KIAA1328: variants seen among roughly 807,000 people sequenced by gnomAD.
The protein encoded by KIAA1328 is protein hinderin.
In KIAA1328, 52 loss-of-function variants were observed where a neutral mutation model predicts 68.1. The ratio of observed to expected loss-of-function variants is 0.76; its 90% CI spans 0.61 to 0.96. The LOEUF (loss-of-function observed/expected upper bound fraction) is 0.96, where lower values mean the gene tolerates loss of function less well. Ranked by LOEUF, KIAA1328 falls within the 40% of genes least tolerant of loss-of-function variation. KIAA1328 has a pLI of 0.00. For missense variants in KIAA1328, 641 were observed against 677.6 expected (o/e 0.95, Z 0.60); for synonymous variants, 232 against 239.4 (o/e 0.97, Z 0.28).
chr18:36,930,282 C>T (rs1291239689), intron 5 of KIAA1328, among the ~76,000 whole-genome samples: 1 of 152,052 alleles, frequency 6.6e-6, no homozygotes, highest in Non-Finnish European at 1.5e-5. Context: ...TCTGTCCTGT[C>T]TCTCTCTCCT....
chr18:37,034,775 G>A (rs1026183573), intron 6 of KIAA1328, among the ~76,000 whole-genome samples: 1 of 152,082 alleles, frequency 6.6e-6, no homozygotes, highest in African/African-American at 2.4e-5. Context: ...AATACATTTG[G>A]TCTTGAAATA....
At chr18:37,088,815 T>G (rs902297126) in intron 7 of KIAA1328, among the ~76,000 whole-genome samples, 1 of 152,098 alleles carries the variant, frequency 6.6e-6, no homozygotes, top group Non-Finnish European at 1.5e-5. Flanking sequence ...TTAATGGAAC[T>G]TTAAAAAATT....
At position 37,006,714 on chromosome 18, in the gene KIAA1328, A is replaced by G. The variant is rs151193163; in HGVS notation, c.576+47279A>G. 2.8e-3 allele frequency among the ~76,000 whole-genome samples: 431 copies of G among 152,002 alleles called. 3 individuals are homozygous for G. Among genetic ancestry groups the G allele is most frequent in the African/African-American group, 9.8e-3 (406 of 41,462 alleles). ...CCCCGGTGTGTGATGTTCCCCTTCT[A>G]TCATTTTTAAAGCTTTAAAAATTTA... On this transcript the variant is annotated intron_variant, in intron 6 of 9. Transcript: ENST00000280020.
At chr18:36,857,528 C>T (rs887938957) in intron 4 of KIAA1328, among the ~76,000 whole-genome samples, 2 of 152,192 alleles carry the variant, frequency 1.3e-5, no homozygotes, top group Non-Finnish European at 1.5e-5. Flanking sequence ...ATCATCCTGG[C>T]GGCCGCCATT....
intron 5 of KIAA1328, among the ~76,000 whole-genome samples, chr18:36,958,429 T>G (rs2151266076): frequency 6.6e-6 from 1 of 152,308 alleles, no homozygotes. Flanking sequence ...CTAACTTATT[T>G]TCCAAAGTGG....
chr18:36,980,505 C>T (rs964321050), intron 6 of KIAA1328, among the ~76,000 whole-genome samples: 6 of 152,294 alleles, frequency 3.9e-5, no homozygotes, highest in African/African-American at 1.4e-4. Context: ...AGTGGCATGT[C>T]GTATGGCTGC....
At chr18:37,130,326 G>A (rs1160606685) in intron 7 of KIAA1328, among the ~76,000 whole-genome samples, 1 of 152,110 alleles carries the variant, frequency 6.6e-6, no homozygotes, top group African/African-American at 2.4e-5. Flanking sequence ...CAAAAGAAAT[G>A]TTAGCCTAGT....
chr18:37,103,106 C>T (rs1184598361), intron 7 of KIAA1328, among the ~76,000 whole-genome samples: 1 of 152,140 alleles, frequency 6.6e-6, no homozygotes, highest in Non-Finnish European at 1.5e-5. Context: ...CTCCACTATT[C>T]AGAGCAATGC....
chr18:36,932,364 C>T (rs2050341886), intron 5 of KIAA1328, among the ~76,000 whole-genome samples: 1 of 152,108 alleles, frequency 6.6e-6, no homozygotes, highest in South Asian at 2.1e-4. Flanking sequence ...GGACCAGAAG[C>T]CCATGCCACT....
At chr18:36,832,838 T>G (rs2046540156) in intron 1 of KIAA1328, 2 of 111,506 alleles carry the variant, frequency 1.8e-5, no homozygotes. Context: ...TGTTCAATGA[T>G]TTTTTTTTTT....
chr18:37,140,730 A>T (rs1378062517), intron 7 of KIAA1328, among the ~76,000 whole-genome samples: 2 of 152,156 alleles, frequency 1.3e-5, no homozygotes, highest in East Asian at 3.8e-4. Context: ...TTATTTTTTC[A>T]TCACTTTTAA....
chr18:37,117,870 T>C (rs11081988), intron 7 of KIAA1328, among the ~76,000 whole-genome samples: 1 of 146,308 alleles, frequency 6.8e-6, no homozygotes, highest in Non-Finnish European at 1.5e-5. Context: ...ACGGACGTAG[T>C]TGGTTTAAAA....
intron 7 of KIAA1328, among the ~76,000 whole-genome samples, chr18:37,071,298 C>T (rs1254484252): frequency 6.6e-6 from 1 of 151,742 alleles, no homozygotes; most frequent in African/African-American, 2.4e-5. Context: ...GTCTTGAGCT[C>T]CTGGGCTCAA....
At chr18:36,959,507 T>C in intron 6 of KIAA1328, 72 bp downstream of exon 6, 3 of 1,469,526 alleles carry the variant, frequency 2.0e-6, no homozygotes, top group Non-Finnish European at 1.8e-6. Context: ...ATTTGTTTTT[T>C]ATCTTAATTT....
intron 1 of KIAA1328, among the ~76,000 whole-genome samples, chr18:36,833,804 T>C (rs1450069725): frequency 6.6e-6 from 1 of 152,244 alleles, no homozygotes; most frequent in Non-Finnish European, 1.5e-5. Flanking sequence ...CTTCTTGGGA[T>C]ATTTTATGAA....
chr18:37,003,224 A>C (rs2053654588), intron 6 of KIAA1328, among the ~76,000 whole-genome samples: 2 of 152,294 alleles, frequency 1.3e-5, no homozygotes, highest in Admixed American at 1.3e-4. Context: ...TTTAAAACCC[A>C]AAATAAAAAA....
intron 4 of KIAA1328, among the ~76,000 whole-genome samples, chr18:36,862,527 G>T (rs960504391): frequency 6.6e-6 from 1 of 151,982 alleles, no homozygotes; most frequent in African/African-American, 2.4e-5. Flanking sequence ...GTTGTTGCAT[G>T]TATCAATAAT....
downstream of KIAA1328, among the ~76,000 whole-genome samples, chr18:37,226,044 C>T (rs766930515): frequency 1.3e-5 from 2 of 152,186 alleles, no homozygotes; most frequent in South Asian, 2.1e-4. Flanking sequence ...AAAAAATACC[C>T]TGTGAATAGC....
chr18:36,957,817 T>G (rs1204140373), intron 5 of KIAA1328, among the ~76,000 whole-genome samples: 2 of 152,176 alleles, frequency 1.3e-5, no homozygotes, highest in African/African-American at 4.8e-5. Flanking sequence ...GTGTAATTCA[T>G]GTAAAATAAA....
Sources: gnomAD v4.1 joint callset for allele counts (sites outside exome capture counted in the v4.1 genomes callset) on GRCh38, gnomAD v4.1.1 for gene constraint, MANE v1.5 for transcripts, NCBI Gene and HGNC (gene_info 2026-07-23, HGNC 2026-07-21) for gene names.